Variants in RFPL1 observed in about 807,000 individuals in gnomAD.
The protein encoded by RFPL1 is ret finger protein-like 1.
A neutral mutation model predicts 9.6 loss-of-function variants in RFPL1; 6 were observed. The ratio of observed to expected loss-of-function variants is 0.62; its 90% confidence interval spans 0.34 to 1.23. The LOEUF is 1.23. Ranked by LOEUF, RFPL1 falls within the 50% of genes most tolerant of loss-of-function variation. The pLI, the probability that RFPL1 is intolerant of heterozygous loss-of-function variation, is 0.03. For missense variants in RFPL1, 352 were observed against 398.4 expected (o/e 0.88, Z 0.99); for synonymous variants, 145 against 149.4 (o/e 0.97, Z 0.22).
At chr22:29,436,329 G>A (rs1160515974), upstream of RFPL1, among the ~76,000 whole-genome samples, 2 of 151,984 alleles carry the variant, frequency 1.3e-5, no homozygotes, top group Non-Finnish European at 2.9e-5. Context: ...GGTGGCTCAC[G>A]CCTGTAATCC....
chr22:29,398,970 C>T, the RFPL1 span, among the ~76,000 whole-genome samples: 1 of 152,162 alleles, frequency 6.6e-6, no homozygotes, highest in South Asian at 2.1e-4. Flanking sequence ...AGACAAGTTA[C>T]ACAAGAACAG....
the RFPL1 span, among the ~76,000 whole-genome samples, chr22:29,430,548 T>G: frequency 6.6e-6 from 1 of 152,158 alleles, no homozygotes; most frequent in Non-Finnish European, 1.5e-5. Context: ...AACAGGATCT[T>G]GTAAGGCTCT....
At chr22:29,396,945 C>T in the RFPL1 span, among the ~76,000 whole-genome samples, 4 of 128,386 alleles carry the variant, frequency 3.1e-5, no homozygotes, top group South Asian at 2.5e-4. Context: ...CTCGCTGTGT[C>T]GCCCAGGCTG....
At chr22:29,415,664 C>T in the RFPL1 span, among the ~76,000 whole-genome samples, 1 of 152,258 alleles carries the variant, frequency 6.6e-6, no homozygotes, top group Non-Finnish European at 1.5e-5. Flanking sequence ...AGGCTTTATT[C>T]GGCCGGGAAA....
chr22:29,412,977 G>C, the RFPL1 span, among the ~76,000 whole-genome samples: 5 of 152,010 alleles, frequency 3.3e-5, no homozygotes, highest in Non-Finnish European at 7.4e-5. Context: ...TCTGGACCTG[G>C]ATATTGTCCT....
the RFPL1 span, among the ~76,000 whole-genome samples, chr22:29,390,658 C>T: frequency 2.0e-5 from 3 of 151,796 alleles, no homozygotes; most frequent in South Asian, 4.1e-4. Flanking sequence ...TTCAGTGGCT[C>T]GATCTCGGCT....
At chr22:29,433,901 T>C (rs2062796239), upstream of RFPL1, among the ~76,000 whole-genome samples, 1 of 152,284 alleles carries the variant, frequency 6.6e-6, no homozygotes, top group East Asian at 1.9e-4. Context: ...TTTTTTAATG[T>C]CTACAGAAAA....
the RFPL1 span, among the ~76,000 whole-genome samples, chr22:29,421,773 AC>A: frequency 7.1e-3 from 1,074 of 150,582 alleles, 13 homozygotes; most frequent in African/African-American, 0.025. Context: ...GGCCAGCTCC[AC>A]CCAGAGCTCT....
the RFPL1 span, among the ~76,000 whole-genome samples, chr22:29,414,917 C>T: frequency 6.6e-6 from 1 of 151,842 alleles, no homozygotes; most frequent in Non-Finnish European, 1.5e-5. Context: ...GTCAGCAAAG[C>T]AGTTGCCGCT....
At chr22:29,415,291 G>A in the RFPL1 span, among the ~76,000 whole-genome samples, 5 of 152,184 alleles carry the variant, frequency 3.3e-5, no homozygotes, top group African/African-American at 9.7e-5. Flanking sequence ...AAGGCATGCC[G>A]TGGGTGATCA....
At chr22:29,428,930 G>C in the RFPL1 span, among the ~76,000 whole-genome samples, 1 of 152,128 alleles carries the variant, frequency 6.6e-6, no homozygotes, top group Non-Finnish European at 1.5e-5. Context: ...GTACCTCATA[G>C]AACTTGAAAA....
the RFPL1 span, among the ~76,000 whole-genome samples, chr22:29,393,224 T>A: frequency 7.2e-5 from 11 of 152,272 alleles, no homozygotes; most frequent in East Asian, 1.9e-3. Flanking sequence ...CGCCTCTGCA[T>A]ATTAACTCAT....
At chr22:29,420,191 C>T in the RFPL1 span, among the ~76,000 whole-genome samples, 1 of 152,152 alleles carries the variant, frequency 6.6e-6, no homozygotes, top group Non-Finnish European at 1.5e-5. Context: ...TCCATGAGAG[C>T]TCAAGCATGA....
chr22:29,425,075 G>A, the RFPL1 span, among the ~76,000 whole-genome samples: 5 of 150,708 alleles, frequency 3.3e-5, no homozygotes, highest in African/African-American at 9.8e-5. Context: ...GTGGTGGCAG[G>A]CGCCTGTAGT....
the RFPL1 span, among the ~76,000 whole-genome samples, chr22:29,398,829 A>T: frequency 6.6e-6 from 1 of 152,184 alleles, no homozygotes; most frequent in Non-Finnish European, 1.5e-5. Context: ...ACTTCCAGAA[A>T]ATCTTCCTTC....
the RFPL1 span, among the ~76,000 whole-genome samples, chr22:29,401,519 C>T: frequency 2.6e-5 from 4 of 152,220 alleles, no homozygotes; most frequent in Non-Finnish European, 4.4e-5. Context: ...TTACACAGTC[C>T]ATCAAACTAG....
At chr22:29,406,469 C>T in the RFPL1 span, among the ~76,000 whole-genome samples, 1 of 152,146 alleles carries the variant, frequency 6.6e-6, no homozygotes, top group Non-Finnish European at 1.5e-5. Flanking sequence ...GGGTTCATTT[C>T]ACTCTCCCAG....
chr22:29,405,981 C>T, the RFPL1 span, among the ~76,000 whole-genome samples: 1 of 150,518 alleles, frequency 6.6e-6, no homozygotes, highest in African/African-American at 2.4e-5. Flanking sequence ...CGGTGGCAGG[C>T]GCCTGTAGTC....
chr22:29,402,294 G>T, the RFPL1 span, among the ~76,000 whole-genome samples: 2 of 152,198 alleles, frequency 1.3e-5, no homozygotes, highest in Non-Finnish European at 2.9e-5. Context: ...ACACTGTCAG[G>T]CTTGCCAGAT....
Sources: allele counts gnomAD v4.1 joint callset (sites outside exome capture counted in the v4.1 genomes callset), GRCh38; gene constraint gnomAD v4.1.1; transcripts MANE v1.5; gene names NCBI Gene and HGNC (gene_info 2026-07-23, HGNC 2026-07-21).